Variants in ZNF268 observed in about 807,000 individuals in gnomAD.
ZNF268 encodes zinc finger protein 3.
ZNF268 carries 20 observed loss-of-function variants against 29.3 expected under a neutral mutation model. The ratio of observed to expected loss-of-function variants is 0.68; its 90% CI spans 0.48 to 0.99. The LOEUF (loss-of-function observed/expected upper bound fraction) is 0.99. Ranked by LOEUF, ZNF268 falls within the 50% of genes least tolerant of loss-of-function variation. The pLI is 0.00. For missense variants in ZNF268, 1,240 were observed against 1,121.6 expected, an observed-to-expected ratio of 1.11 and a Z score of -1.51; for synonymous variants, 429 against 376.9, an observed-to-expected ratio of 1.14 and a Z score of -1.60.
At chr12:133,189,691 G>GGCATCC (rs1956416028) in intron 3 of ZNF268, among the ~76,000 whole-genome samples, 1 of 151,824 alleles carries the variant, frequency 6.6e-6, no homozygotes, top group African/African-American at 2.4e-5. Context: ...TCTTTTCGTT[G>GGCATCC]GCATCCTCAG....
At position 133,184,724 on chromosome 12, in the gene ZNF268, C is replaced by A. The variant is rs756366219; in HGVS notation, c.33+2694C>A. 7.1e-5 allele frequency: 32 copies of A among 451,200 alleles called. 1 individual carries two copies. The highest frequency in any genetic ancestry group is 4.8e-4 in the South Asian group (31 of 64,172). 27.9% of individuals were successfully genotyped at this position (451,200 alleles called of 1,614,324 possible). Reference sequence around the variant, plus strand: ...GTCTGCTTCCCGAGTTCAAGTGGTTCTCTTGCCTCAGCCTCCTGAGTAGCT... The same window carrying A: ...GTCTGCTTCCCGAGTTCAAGTGGTTATCTTGCCTCAGCCTCCTGAGTAGCT... On this transcript the variant is annotated intron_variant, in intron 2 of 5. Coordinates refer to ENST00000536435, the MANE Select transcript of ZNF268 (RefSeq NM_003415.3).
At chr12:133,188,925 T>A (rs1234613190) in intron 3 of ZNF268, among the ~76,000 whole-genome samples, 4 of 152,178 alleles carry the variant, frequency 2.6e-5, no homozygotes, top group African/African-American at 7.2e-5. Context: ...CAAATTTTTT[T>A]ATTTTATTGC....
rs1202009816 is a variant in ZNF268 at position 133,205,229 on chromosome 12, C to G, written c.*699C>G. 7.0e-6 allele frequency: 1 copy of G among 142,536 alleles called. No individual in the cohort carries two copies. The highest frequency in any genetic ancestry group is 1.5e-5 in the Non-Finnish European group (1 of 65,912). 8.8% of individuals were successfully genotyped at this position (142,536 alleles called of 1,614,324 possible). The stretch of plus-strand genomic sequence containing the variant: ...TTGAAGAATTATTTCTTTTAGGAAT[C>G]ATTTTAAGAAATTTTATTCCAGGTG... On this transcript the variant is annotated 3_prime_UTR_variant, in exon 6 of 6. Transcript: ENST00000536435.
chr12:133,183,064 C>T (rs144494529), intron 2 of ZNF268, among the ~76,000 whole-genome samples: 1 of 152,298 alleles, frequency 6.6e-6, no homozygotes, highest in African/African-American at 2.4e-5. Flanking sequence ...CTATTGTGAA[C>T]TGCGCATGCG....
In ZNF268 at chr12:133,181,676, A is replaced by C. The variant is rs1406334305; in HGVS notation, c.-63A>C. Reference sequence around the variant, plus strand: ...ATTCTGCTGCCCCTTCAGGGTTTGGAGGAGCCGGAGGTGCGGAATTCCTCC... The same window carrying C: ...ATTCTGCTGCCCCTTCAGGGTTTGGCGGAGCCGGAGGTGCGGAATTCCTCC... On this transcript the variant is annotated 5_prime_UTR_variant, in exon 1 of 6. Coordinates refer to ENST00000536435, the MANE Select transcript of ZNF268 (RefSeq NM_003415.3). 2 of 355,164 alleles carry C rather than the reference A, an allele frequency of 5.6e-6. No individual in the cohort carries two copies. The highest frequency in any genetic ancestry group is 4.7e-5 in the East Asian group (1 of 21,102). The allele number at this position is 355,164 out of a possible 1,614,324, so 22.0% of individuals were successfully genotyped here. A position where few individuals can be genotyped will look rare whatever the true frequency, so the allele number is the denominator to read the frequency against.
At chr12:133,199,583 A>G (rs954203291) in intron 5 of ZNF268, among the ~76,000 whole-genome samples, 35 of 150,830 alleles carry the variant, frequency 2.3e-4, no homozygotes, top group Non-Finnish European at 4.1e-4. Context: ...CTCTTTTTCT[A>G]TTGATTGGAA....
In ZNF268 at chr12:133,205,171, A is replaced by AC. The variant is rs1956874360; in HGVS notation, c.*641_*642insC. 7.4e-6 allele frequency: 1 copy of AC among 135,082 alleles called. No homozygotes were observed. Among genetic ancestry groups the AC allele is most frequent in the Non-Finnish European group, 1.6e-5 (1 of 64,052 alleles). 8.4% of individuals were successfully genotyped at this position (135,082 alleles called of 1,614,324 possible). A position where few individuals can be genotyped will look rare whatever the true frequency, so the allele number is the denominator to read the frequency against. The stretch of plus-strand genomic sequence containing the variant: ...AAAAAAAAAAAAAAAAAAAAAAAAA[A>AC]AACCAACCTGTTATTATATCTTAAT... On this transcript the variant is annotated 3_prime_UTR_variant, in exon 6 of 6. Coordinates refer to ENST00000536435, the MANE Select transcript of ZNF268 (RefSeq NM_003415.3).
chr12:133,201,918 C>T (rs912106977), intron 5 of ZNF268, among the ~76,000 whole-genome samples: 1 of 151,928 alleles, frequency 6.6e-6, no homozygotes, highest in Non-Finnish European at 1.5e-5. Flanking sequence ...TTCTTTTTCT[C>T]AGTACCCAGT....
At chr12:133,194,887 T>G in intron 5 of ZNF268, among the ~76,000 whole-genome samples, 1 of 152,192 alleles carries the variant, frequency 6.6e-6, no homozygotes, top group African/African-American at 2.4e-5. Flanking sequence ...TCTTCAGATA[T>G]TTGCTGCAAC....
In ZNF268 at chr12:133,208,401, C is replaced by T. The variant is rs1956936925; in HGVS notation, c.*3871C>T. ...ATCCCATCTACTCGGGAGGCTGAGG[C>T]AGAAGAATTGCTTGAACCTAGGAGG... is the stretch of plus-strand genomic sequence containing the variant. On this transcript the variant is annotated 3_prime_UTR_variant, in exon 6 of 6. Coordinates refer to ENST00000536435, the MANE Select transcript of ZNF268 (RefSeq NM_003415.3). The T allele has an allele frequency of 6.6e-6, 1 of 152,222 alleles. No individual in the cohort carries two copies. Among genetic ancestry groups the T allele is most frequent in the South Asian group, 2.1e-4 (1 of 4,830 alleles). The allele number at this position is 152,222 out of a possible 1,614,324, so 9.4% of individuals were successfully genotyped here. A position where few individuals can be genotyped will look rare whatever the true frequency, so the allele number is the denominator to read the frequency against.
At chr12:133,199,108 T>C (rs1956688244) in intron 5 of ZNF268, among the ~76,000 whole-genome samples, 1 of 152,172 alleles carries the variant, frequency 6.6e-6, no homozygotes, top group South Asian at 2.1e-4. Context: ...ATCCCTGTCT[T>C]GTGCCAGTTT....
At position 133,213,626 on chromosome 12, in the gene ZNF268, G is replaced by C. The variant is rs1957017561; in HGVS notation, c.*9096G>C. ...CAGGAGGATCGCTTGAAGCTGTGAGGTGGAGGTTGCAGTGAGCCGAGATCA... is the reference window on the plus strand; with the variant it reads ...CAGGAGGATCGCTTGAAGCTGTGAGCTGGAGGTTGCAGTGAGCCGAGATCA... On this transcript the variant is annotated 3_prime_UTR_variant, in exon 6 of 6. Transcript: ENST00000536435. The C allele has an allele frequency of 6.6e-6, 1 of 151,524 alleles. No homozygotes were observed. The highest frequency in any genetic ancestry group is 1.5e-5 in the Non-Finnish European group (1 of 67,938). 9.4% of individuals were successfully genotyped at this position (151,524 alleles called of 1,614,324 possible). A position where few individuals can be genotyped will look rare whatever the true frequency, so the allele number is the denominator to read the frequency against.
At chr12:133,187,214 C>A (rs989528121) in intron 2 of ZNF268, among the ~76,000 whole-genome samples, 1 of 151,842 alleles carries the variant, frequency 6.6e-6, no homozygotes, top group Non-Finnish European at 1.5e-5. Context: ...CCTGTGCCGC[C>A]TTCTAGGTCG....
chr12:133,202,373 A>G lies in ZNF268; in HGVS notation c.687A>G (p.Val229=), dbSNP rs1956775048. The part of the protein sequence containing the change: ...YARNNPNGFQ[V]HGKSFFHSKH... ...GAAATAATCCTAATGGGTTTCAGGT[A>G]CATGGAAAATCATTCTTCCATTCTA... The change falls in exon 6 of 6, where the codon GTA becomes GTG. Residue 229 remains valine, a synonymous_variant. Coordinates refer to ENST00000536435, the MANE Select transcript of ZNF268 (RefSeq NM_003415.3). 1 of 1,611,288 alleles carries G rather than the reference A, an allele frequency of 6.2e-7. No individual in the cohort carries two copies. The highest frequency in any genetic ancestry group is 1.7e-5 in the Admixed American group (1 of 59,516).
At chr12:133,187,540 G>A (rs533217534) in intron 2 of ZNF268, among the ~76,000 whole-genome samples, 1 of 152,046 alleles carries the variant, frequency 6.6e-6, no homozygotes, top group South Asian at 2.1e-4. Context: ...TATTCCTACT[G>A]CCCTACCAAA....
chr12:133,198,195 T>C (rs1245123912), intron 5 of ZNF268, among the ~76,000 whole-genome samples: 2 of 148,088 alleles, frequency 1.4e-5, no homozygotes. Flanking sequence ...TTAATCCATC[T>C]TGAATTGATT....
Position 133,203,754 on chromosome 12 carries a change from C to T in ZNF268, c.2068C>T (p.His690Tyr), listed in dbSNP as rs372070977. The T allele has an allele frequency of 5.8e-6, 9 of 1,560,684 alleles. No individual in the cohort carries two copies. Among genetic ancestry groups the T allele is most frequent in the African/African-American group, 2.7e-5 (2 of 73,634 alleles). ...CCAGCTCATTGTACATCAGAGAAGT[C>T]ACACAGGAGTAAAACCATATGGATG... Reference protein sequence around the residue: ...KSQLIVHQRSHTGVKPYGCSE... With the variant: ...KSQLIVHQRSYTGVKPYGCSE... The change falls in exon 6 of 6, where the codon CAC (histidine) becomes TAC (tyrosine). Residue 690 changes from histidine (H) to tyrosine (Y), a missense_variant. Physicochemically the swap from His to Tyr is moderately conservative, Grantham distance 83. Transcript: ENST00000536435.
Position 133,203,962 on chromosome 12 carries a change from A to C in ZNF268, c.2276A>C (p.Lys759Thr), listed in dbSNP as rs1219870224. Residue 759 changes from lysine to threonine, a missense_variant, in exon 6 of 6, where the codon AAA becomes ACA. Physicochemically the swap from Lys to Thr is moderately conservative, Grantham distance 78. Around this residue, in one of 3 missense-constraint regions of ZNF268, gnomAD observed 1,177 missense variants for 1,039.6 expected, o/e 1.13. Coordinates refer to ENST00000536435, the MANE Select transcript of ZNF268 (RefSeq NM_003415.3). ...CCCTATGAATGCAGTGAATGTGGGAAAGCCTTTAATAGGAAAGACCAGCTC... is the reference window on the plus strand; with the variant it reads ...CCCTATGAATGCAGTGAATGTGGGACAGCCTTTAATAGGAAAGACCAGCTC... ...ENPYECSECG[K>T]AFNRKDQLIS... is the part of the protein sequence containing the mutation. 1 of 1,593,890 alleles carries C rather than the reference A, an allele frequency of 6.3e-7. No individual in the cohort carries two copies. Among genetic ancestry groups the C allele is most frequent in the Admixed American group, 1.7e-5 (1 of 57,208 alleles).
At chr12:133,181,801 G>C in intron 1 of ZNF268, 115 bp downstream of exon 1, 1 of 619,680 alleles carries the variant, frequency 1.6e-6, no homozygotes, top group Admixed American at 2.6e-5. Context: ...TGTTGGTGAG[G>C]GTGTGGAGAT....
Sources: allele counts gnomAD v4.1 joint callset (sites outside exome capture counted in the v4.1 genomes callset), GRCh38; gene constraint gnomAD v4.1.1; regional missense constraint gnomAD v4.1.1; transcripts MANE v1.5; gene names NCBI Gene and HGNC (gene_info 2026-07-23, HGNC 2026-07-21).